Variants in PDE1A observed in about 807,000 individuals in gnomAD.
The protein encoded by PDE1A is phosphodiesterase 1A.
Under a neutral mutation model 61.7 loss-of-function variants are expected in PDE1A, and 35 were observed. That is an observed-to-expected ratio of 0.57 (90% CI 0.43 to 0.75). The LOEUF is 0.75. PDE1A is among the 30% of genes least tolerant of loss of function. The pLI is 0.00. For missense variants in PDE1A, 597 were observed against 630.6 expected (o/e 0.95, Z 0.57); for synonymous variants, 232 against 213.2 (o/e 1.09, Z -0.77).
At chr2:182,210,651 T>C (rs1342629145) in intron 7 of PDE1A, among the ~76,000 whole-genome samples, 1 of 152,182 alleles carries the variant, frequency 6.6e-6, no homozygotes, top group African/African-American at 2.4e-5. Context: ...AATTTTTAAT[T>C]TTAATGAAAT....
intron 1 of PDE1A, among the ~76,000 whole-genome samples, chr2:182,315,906 C>CA (rs896348424): frequency 2.6e-4 from 40 of 152,176 alleles, no homozygotes; most frequent in African/African-American, 9.2e-4. Context: ...TCCTGGCAAA[C>CA]ACATCACCAT....
At chr2:182,454,027 T>C (rs892035338) in intron 2 of PDE1A, among the ~76,000 whole-genome samples, 1 of 151,990 alleles carries the variant, frequency 6.6e-6, no homozygotes, top group Non-Finnish European at 1.5e-5. Context: ...CCCCATTGTC[T>C]CAGCCCCAAA....
At chr2:182,369,016 A>C (rs1019923440) in intron 1 of PDE1A, among the ~76,000 whole-genome samples, 4 of 150,524 alleles carry the variant, frequency 2.7e-5, no homozygotes. Flanking sequence ...AGACTCGGAT[A>C]AAAAACTGCT....
chr2:182,390,513 G>T (rs923729342), intron 1 of PDE1A, among the ~76,000 whole-genome samples: 2 of 152,182 alleles, frequency 1.3e-5, no homozygotes, highest in Non-Finnish European at 2.9e-5. Flanking sequence ...AGTGACGAAA[G>T]AAAACAATGA....
the PDE1A span, among the ~76,000 whole-genome samples, chr2:182,587,794 TA>T: frequency 6.6e-6 from 1 of 152,202 alleles, no homozygotes. Flanking sequence ...AAATGTCTAA[TA>T]CGTTCATTAC....
chr2:182,472,099 C>T (rs1687063867), intron 2 of PDE1A, among the ~76,000 whole-genome samples: 1 of 151,906 alleles, frequency 6.6e-6, no homozygotes, highest in Admixed American at 6.6e-5. Context: ...ACTTAAAACA[C>T]TGTTGGTGAG....
At chr2:182,157,051 G>C (rs1691129944) in intron 13 of PDE1A, among the ~76,000 whole-genome samples, 1 of 141,470 alleles carries the variant, frequency 7.1e-6, no homozygotes, top group Non-Finnish European at 1.5e-5. Flanking sequence ...GTCTTGCTCT[G>C]TCACCCAGGC....
intron 1 of PDE1A, among the ~76,000 whole-genome samples, chr2:182,334,388 C>G (rs919657550): frequency 1.3e-5 from 2 of 152,000 alleles, no homozygotes; most frequent in Non-Finnish European, 2.9e-5. Context: ...AAAATACTGG[C>G]AAACTGAATC....
chr2:182,257,893 C>T (rs1282248928), intron 2 of PDE1A, among the ~76,000 whole-genome samples: 1 of 152,088 alleles, frequency 6.6e-6, no homozygotes, highest in Admixed American at 6.5e-5. Flanking sequence ...ATCAGCTGGG[C>T]GCGGTGGCTC....
chr2:182,435,750 C>A (rs1684359388), intron 2 of PDE1A, among the ~76,000 whole-genome samples: 1 of 152,082 alleles, frequency 6.6e-6, no homozygotes, highest in Admixed American at 6.6e-5. Context: ...AAATCAACAA[C>A]CTAACTTCAA....
chr2:182,539,791 A>T, the PDE1A span, among the ~76,000 whole-genome samples: 1 of 152,324 alleles, frequency 6.6e-6, no homozygotes, highest in African/African-American at 2.4e-5. Flanking sequence ...CATTGTTAAT[A>T]AACACTTGTA....
chr2:182,644,055 G>A, the PDE1A span, among the ~76,000 whole-genome samples: 14 of 150,414 alleles, frequency 9.3e-5, no homozygotes, highest in African/African-American at 3.2e-4. Context: ...CCTCAAGTGA[G>A]TTGATGCTCT....
the PDE1A span, among the ~76,000 whole-genome samples, chr2:182,711,053 G>C: frequency 1.3e-5 from 2 of 152,140 alleles, no homozygotes; most frequent in African/African-American, 4.8e-5. Flanking sequence ...GAGAAGAGAG[G>C]CTGAGCAGTG....
At chr2:182,341,231 G>A (rs142590555) in intron 1 of PDE1A, among the ~76,000 whole-genome samples, 2 of 152,228 alleles carry the variant, frequency 1.3e-5, no homozygotes, top group East Asian at 3.9e-4. Flanking sequence ...AAATTCAAGC[G>A]ATTTGGGATC....
chr2:182,254,126 C>G (rs1400904587), intron 2 of PDE1A, among the ~76,000 whole-genome samples: 1 of 152,120 alleles, frequency 6.6e-6, no homozygotes, highest in Non-Finnish European at 1.5e-5. Context: ...TTTTGTTAGT[C>G]ATTTCTCAAA....
chr2:182,516,077 C>G (rs999069172), intron 2 of PDE1A, among the ~76,000 whole-genome samples: 1 of 151,532 alleles, frequency 6.6e-6, no homozygotes, highest in African/African-American at 2.4e-5. Context: ...TTTATTGCTA[C>G]TGTAACAAAT....
chr2:182,248,762 C>T (rs1216061471), intron 2 of PDE1A, among the ~76,000 whole-genome samples: 2 of 152,142 alleles, frequency 1.3e-5, no homozygotes, highest in Non-Finnish European at 2.9e-5. Context: ...CCCGCAATTA[C>T]ACCTTCTAAG....
the PDE1A span, among the ~76,000 whole-genome samples, chr2:182,572,810 A>G: frequency 6.7e-6 from 1 of 148,450 alleles, no homozygotes; most frequent in South Asian, 2.1e-4. Flanking sequence ...CGGAGCTTGC[A>G]GTGAGCCAAG....
At chr2:182,698,362 G>A in the PDE1A span, among the ~76,000 whole-genome samples, 1 of 151,398 alleles carries the variant, frequency 6.6e-6, no homozygotes, top group South Asian at 2.1e-4. Context: ...ATCTGAAATA[G>A]CAAAGGCTGA....
Sources: allele counts gnomAD v4.1 joint callset (sites outside exome capture counted in the v4.1 genomes callset), GRCh38; gene constraint gnomAD v4.1.1; transcripts MANE v1.5; gene names NCBI Gene and HGNC (gene_info 2026-07-23, HGNC 2026-07-21).